Variants in AP2B1 observed in about 807,000 individuals in gnomAD.
The protein encoded by AP2B1 is AP-2 complex subunit beta.
AP2B1 carries 23 observed loss-of-function variants against 102.0 expected under a neutral mutation model. The observed-to-expected ratio is 0.23, with a 90% CI of 0.16 to 0.32. AP2B1 has a LOEUF of 0.32. Ranked by LOEUF, AP2B1 falls within the 10% of genes least tolerant of loss-of-function variation. AP2B1 has a pLI of 1.00. For missense variants in AP2B1, 541 were observed against 1,157.4 expected (o/e 0.47, Z 7.73); for synonymous variants, 381 against 421.2 (o/e 0.90, Z 1.17).
chr17:35,698,556 T>G (rs938301767), intron 18 of AP2B1, among the ~76,000 whole-genome samples: 1 of 152,200 alleles, frequency 6.6e-6, no homozygotes, highest in Non-Finnish European at 1.5e-5. Flanking sequence ...TCAAGCAGTC[T>G]TCTGCCTTGG....
At chr17:35,666,124 C>T (rs146183160) in intron 14 of AP2B1, among the ~76,000 whole-genome samples, 12 of 152,218 alleles carry the variant, frequency 7.9e-5, no homozygotes, top group Non-Finnish European at 1.2e-4. Flanking sequence ...CTGAACTGAG[C>T]CTGTATGCGG....
Position 35,710,227 on chromosome 17 carries a change from C to A in AP2B1, c.2540-7C>A. Reference sequence around the variant, plus strand: ...CATCCATCCTTCCCCTCTGCTTTCCCATACAGAGCGCCAGGTCTTCCTTGC... The same window carrying A: ...CATCCATCCTTCCCCTCTGCTTTCCAATACAGAGCGCCAGGTCTTCCTTGC... On this transcript the variant is annotated splice_polypyrimidine_tract_variant and splice_region_variant and intron_variant, in intron 19 of 21. Coordinates refer to ENST00000610402, the MANE Select transcript of AP2B1 (RefSeq NM_001030006.2). 6.2e-7 allele frequency: 1 copy of A among 1,605,442 alleles called. No individual in the cohort carries two copies. The highest frequency in any genetic ancestry group is 8.5e-7 in the Non-Finnish European group (1 of 1,172,296).
At position 35,671,734 on chromosome 17, in the gene AP2B1, C is replaced by A; in HGVS notation, c.2032-20C>A. 7.2e-7 allele frequency: 1 copy of A among 1,392,572 alleles called. No homozygotes were observed. Among genetic ancestry groups the A allele is most frequent in the South Asian group, 1.3e-5 (1 of 76,386 alleles). The allele number at this position is 1,392,572 out of a possible 1,614,324, so 86.3% of individuals were successfully genotyped here. The stretch of plus-strand genomic sequence containing the variant: ...CTGTTCTTCCCAATCTCCCCTCTCC[C>A]TTTTTTTTTTCTCCTGCAGGTGGGA... On this transcript the variant is annotated intron_variant, in intron 15 of 21. Coordinates refer to ENST00000610402, the MANE Select transcript of AP2B1 (RefSeq NM_001030006.2).
At chr17:35,705,678 C>T (rs587692031) in intron 18 of AP2B1, among the ~76,000 whole-genome samples, 6 of 152,174 alleles carry the variant, frequency 3.9e-5, no homozygotes, top group East Asian at 3.9e-4. Flanking sequence ...CATGCCACCA[C>T]GCCCAGCTAA....
chr17:35,627,283 G>A (rs976981704), intron 7 of AP2B1, 102 bp from the exon 8 acceptor site: 7 of 609,506 alleles, frequency 1.1e-5, no homozygotes, highest in South Asian at 7.4e-5. Flanking sequence ...TGAGTGGAGC[G>A]AGAGGAGAGC....
chr17:35,639,072 G>A (rs2074693319), intron 10 of AP2B1, among the ~76,000 whole-genome samples: 1 of 152,168 alleles, frequency 6.6e-6, no homozygotes, highest in East Asian at 1.9e-4. Flanking sequence ...GCTCGCACCT[G>A]TAATTTCATC....
chr17:35,695,380 T>G (rs1350110245), intron 18 of AP2B1, among the ~76,000 whole-genome samples: 1 of 152,070 alleles, frequency 6.6e-6, no homozygotes, highest in African/African-American at 2.4e-5. Context: ...ATGCAGTGTA[T>G]CTTAGCATGA....
At chr17:35,645,871 C>G (rs1322540820) in intron 12 of AP2B1, among the ~76,000 whole-genome samples, 2 of 151,678 alleles carry the variant, frequency 1.3e-5, no homozygotes, top group African/African-American at 4.8e-5. Context: ...CAAAACAAAA[C>G]AAAAAAATGT....
chr17:35,616,204 GC>G (rs2074013579), intron 5 of AP2B1, among the ~76,000 whole-genome samples: 2 of 116,978 alleles, frequency 1.7e-5, no homozygotes, highest in African/African-American at 6.4e-5. Flanking sequence ...TCGCTCAGTC[GC>G]CCAGGCTGGA....
intron 5 of AP2B1, among the ~76,000 whole-genome samples, chr17:35,618,804 C>G (rs1021985343): frequency 6.6e-6 from 1 of 152,024 alleles, no homozygotes; most frequent in Admixed American, 6.5e-5. Flanking sequence ...ATTTATTATC[C>G]TCAACTGCTG....
At chr17:35,598,900 A>G (rs75490400) in intron 3 of AP2B1, among the ~76,000 whole-genome samples, 12,862 of 152,300 alleles carry the variant, frequency 0.084, 784 homozygotes, top group Non-Finnish European at 0.13. Flanking sequence ...CTGTTTTCAT[A>G]ATAATACTTA....
At chr17:35,688,536 T>A (rs1045444157) in intron 18 of AP2B1, among the ~76,000 whole-genome samples, 1 of 152,242 alleles carries the variant, frequency 6.6e-6, no homozygotes, top group Admixed American at 6.5e-5. Context: ...TTTAACTTCT[T>A]TGCTGCTGCT....
At chr17:35,644,492 C>T (rs2074871118) in intron 12 of AP2B1, among the ~76,000 whole-genome samples, 1 of 152,040 alleles carries the variant, frequency 6.6e-6, no homozygotes, top group African/African-American at 2.4e-5. Context: ...ATTCTCCTAC[C>T]TCAGCTTCCT....
intron 9 of AP2B1, among the ~76,000 whole-genome samples, chr17:35,628,793 A>G (rs1398556449): frequency 6.6e-6 from 1 of 152,192 alleles, no homozygotes. Flanking sequence ...TATATCCATT[A>G]TCATGGTAGA....
chr17:35,590,252 C>A (rs1302420149), intron 1 of AP2B1, among the ~76,000 whole-genome samples: 1 of 152,058 alleles, frequency 6.6e-6, no homozygotes, highest in Non-Finnish European at 1.5e-5. Flanking sequence ...TTTTGCCATC[C>A]TGTATTTTGG....
At chr17:35,623,209 T>G (rs1457912147) in intron 5 of AP2B1, among the ~76,000 whole-genome samples, 1 of 152,126 alleles carries the variant, frequency 6.6e-6, no homozygotes, top group Admixed American at 6.5e-5. Flanking sequence ...CTTTTCTTCC[T>G]GCAGCTAAAT....
intron 14 of AP2B1, among the ~76,000 whole-genome samples, chr17:35,658,727 A>T (rs971036394): frequency 2.6e-5 from 4 of 152,200 alleles, no homozygotes; most frequent in African/African-American, 7.2e-5. Flanking sequence ...ATATGAAAAT[A>T]TGTGTTCCCA....
rs587760427 is a variant in AP2B1, at chr17:35,705,069, A to G, written c.2455-4155A>G. Among the ~76,000 whole-genome samples, 8 of 152,238 alleles carry G rather than the reference A, an allele frequency of 5.3e-5. No homozygotes were observed. The East Asian group carries it at 1.5e-3, about 29-fold the overall frequency. On this transcript the variant is annotated intron_variant, in intron 18 of 21. Coordinates refer to ENST00000610402, the MANE Select transcript of AP2B1 (RefSeq NM_001030006.2). ...AGAAAGAACAACATATAAAAAAGGT[A>G]CAAAGCTGTGACTTTCAGTGTTTGG...
At chr17:35,636,585 C>G (rs565604269) in intron 10 of AP2B1, 129 bp downstream of exon 10, 1 of 554,680 alleles carries the variant, frequency 1.8e-6, no homozygotes, top group East Asian at 3.4e-5. Flanking sequence ...TATCAAAAAT[C>G]GGAAACATTA....
Sources: gnomAD v4.1 joint callset for allele counts (sites outside exome capture counted in the v4.1 genomes callset) on GRCh38, gnomAD v4.1.1 for gene constraint, MANE v1.5 for transcripts, NCBI Gene and HGNC (gene_info 2026-07-23, HGNC 2026-07-21) for gene names.